The following ADAM12 variants were observed in gnomAD, a reference collection of about 807,000 sequenced individuals.
ADAM12 encodes the protein ADAM metallopeptidase domain 12, also known as disintegrin and metalloproteinase domain-containing protein 12.
A neutral mutation model predicts 106.4 loss-of-function variants in ADAM12; 70 were observed. The ratio of observed to expected loss-of-function variants is 0.66; its 90% confidence interval spans 0.54 to 0.80. The LOEUF is 0.80. Ranked by LOEUF, ADAM12 falls within the 30% of genes least tolerant of loss-of-function variation. The pLI is 0.00. For synonymous variants in ADAM12, 420 were observed against 433.5 expected (o/e 0.97, Z 0.39); for missense variants, 1,010 against 1,171.9 (o/e 0.86, Z 2.02).
chr10:126,257,665 G>A (rs181568650), intron 3 of ADAM12, among the ~76,000 whole-genome samples: 15 of 152,080 alleles, frequency 9.9e-5, no homozygotes, highest in African/African-American at 3.4e-4. Flanking sequence ...TACTACAATC[G>A]CTTCATGAAA....
intron 5 of ADAM12, among the ~76,000 whole-genome samples, chr10:126,133,651 A>C (rs762146503): frequency 8.6e-5 from 13 of 151,096 alleles, no homozygotes; most frequent in Non-Finnish European, 1.8e-4. Context: ...GGCACCCATC[A>C]CTGGGGGGGA....
chr10:126,285,608 G>A (rs1048296978), intron 2 of ADAM12, among the ~76,000 whole-genome samples: 2 of 152,120 alleles, frequency 1.3e-5, no homozygotes, highest in Non-Finnish European at 2.9e-5. Context: ...TGTAGGCTTG[G>A]AGATAAACCC....
At chr10:126,076,458 G>A (rs975032168) in intron 11 of ADAM12, among the ~76,000 whole-genome samples, 9 of 152,172 alleles carry the variant, frequency 5.9e-5, no homozygotes, top group African/African-American at 2.2e-4. Flanking sequence ...GGGTCAAATG[G>A]GAGTTCTGTT....
chr10:126,067,842 T>C (rs1245141176), intron 12 of ADAM12, among the ~76,000 whole-genome samples: 1 of 152,234 alleles, frequency 6.6e-6, no homozygotes, highest in Non-Finnish European at 1.5e-5. Flanking sequence ...AGTTTAATAA[T>C]ATAATACTTT....
chr10:126,352,428 T>C (rs1285227071), intron 1 of ADAM12, among the ~76,000 whole-genome samples: 1 of 152,212 alleles, frequency 6.6e-6, no homozygotes, highest in Non-Finnish European at 1.5e-5. Context: ...AAGTTTAAGA[T>C]AAATTAAGAA....
At chr10:126,339,678 T>C (rs1425630180) in intron 1 of ADAM12, among the ~76,000 whole-genome samples, 2 of 152,002 alleles carry the variant, frequency 1.3e-5, no homozygotes, top group African/African-American at 4.8e-5. Context: ...GAGTGCTTTG[T>C]GGGTTCCAGG....
At chr10:126,312,532 T>G (rs1204171164) in intron 2 of ADAM12, among the ~76,000 whole-genome samples, 1 of 151,974 alleles carries the variant, frequency 6.6e-6, no homozygotes, top group Non-Finnish European at 1.5e-5. Flanking sequence ...GGATGCCGTG[T>G]GGTCAGTGGA....
chr10:126,113,687 AATATATATATATATATATAT>A (rs71309278), intron 6 of ADAM12, among the ~76,000 whole-genome samples: 37 of 24,110 alleles, frequency 1.5e-3, no homozygotes, highest in Admixed American at 2.7e-3. Flanking sequence ...AAAAAAAAAA[AATATATATATATATATATAT>A]ATATATATAT....
chr10:126,229,556 G>A (rs60732399), intron 3 of ADAM12, among the ~76,000 whole-genome samples: 6,281 of 151,898 alleles, frequency 0.041, 456 homozygotes, highest in African/African-American at 0.14. Context: ...AATTAGCATT[G>A]AATGTATCTA....
chr10:126,299,952 C>G (rs1338688303), intron 2 of ADAM12, among the ~76,000 whole-genome samples: 1 of 152,196 alleles, frequency 6.6e-6, no homozygotes, highest in Non-Finnish European at 1.5e-5. Context: ...CCCCACTCAA[C>G]TTTTTTTCTC....
chr10:126,029,456 G>C (rs1364125842), intron 21 of ADAM12, among the ~76,000 whole-genome samples: 1 of 152,202 alleles, frequency 6.6e-6, no homozygotes, highest in Non-Finnish European at 1.5e-5. Context: ...GATGGAGCTG[G>C]AGGCCATTAT....
chr10:126,127,722 G>T (rs1345991334), intron 5 of ADAM12, among the ~76,000 whole-genome samples: 1 of 152,246 alleles, frequency 6.6e-6, no homozygotes, highest in African/African-American at 2.4e-5. Context: ...TATGCTACCA[G>T]AACTACAATG....
intron 18 of ADAM12, chr10:126,041,882 G>C (rs1954180485): frequency 2.2e-6 from 3 of 1,366,272 alleles, no homozygotes; most frequent in Admixed American, 3.4e-5. Flanking sequence ...TCTCTCAGGA[G>C]CAGCACTGAA....
At chr10:126,083,898 A>ACGT (rs769974184) in intron 11 of ADAM12, among the ~76,000 whole-genome samples, 70 of 152,196 alleles carry the variant, frequency 4.6e-4, no homozygotes, top group Admixed American at 2.6e-3. Flanking sequence ...ATCCATCCTC[A>ACGT]CGTCCACTCC....
chr10:126,018,226 C>G (rs1487891679), intron 22 of ADAM12, among the ~76,000 whole-genome samples: 1 of 152,178 alleles, frequency 6.6e-6, no homozygotes, highest in Non-Finnish European at 1.5e-5. Context: ...AACACAGTAC[C>G]TTTGGTTCTT....
intron 3 of ADAM12, among the ~76,000 whole-genome samples, chr10:126,166,192 T>C (rs1957020513): frequency 6.6e-6 from 1 of 152,222 alleles, no homozygotes; most frequent in African/African-American, 2.4e-5. Flanking sequence ...TGAGACATGC[T>C]GTTATGATTG....
chr10:126,127,016 G>A (rs1165869614), intron 5 of ADAM12, among the ~76,000 whole-genome samples: 1 of 152,186 alleles, frequency 6.6e-6, no homozygotes, highest in Non-Finnish European at 1.5e-5. Flanking sequence ...ATGCCACCTG[G>A]CAAAACCACC....
chr10:126,049,347 C>T lies in ADAM12; in HGVS notation c.1823G>A (p.Gly608Asp). The change falls in exon 16 of 23, where the codon GGC becomes GAC. Residue 608 changes from glycine (G) to aspartate (D), a missense_variant. Physicochemically the swap from Gly to Asp is moderately conservative, Grantham distance 94. This residue lies in a region of ADAM12 where 615 missense variants were observed against 708.5 expected (regional missense o/e 0.87). Coordinates refer to ENST00000448723, the MANE Select transcript of ADAM12 (RefSeq NM_001288973.2). This position sits in a 1 kb window ranked among gnomAD's most constrained non-coding sequence, Gnocchi z 4.4. ...IETNIPLQQG[G>D]RILCRGTHVY... ...GTGGGTCCCCCGGCACAGAATCCGG[C>T]CTCCTTGCTGCAGGGGGATGTTTGT... The T allele has an allele frequency of 6.2e-7, 1 of 1,614,228 alleles. No homozygotes were observed. Among genetic ancestry groups the T allele is most frequent in the Non-Finnish European group, 8.5e-7 (1 of 1,180,052 alleles).
chr10:126,347,885 G>C (rs2366713), intron 1 of ADAM12, among the ~76,000 whole-genome samples: 152,174 of 152,298 alleles, frequency 1, 76,025 homozygotes, highest in Non-Finnish European at 1. Context: ...CTGGGAGTCA[G>C]ACATCCAGTG....
Sources: allele counts gnomAD v4.1 joint callset (sites outside exome capture counted in the v4.1 genomes callset), GRCh38; gene constraint gnomAD v4.1.1; regional missense constraint gnomAD v4.1.1; non-coding constraint Gnocchi (gnomAD v3.1); transcripts MANE v1.5; gene names NCBI Gene and HGNC (gene_info 2026-07-23, HGNC 2026-07-21).